Variants in FAT3 observed in about 807,000 individuals in gnomAD.
The protein encoded by FAT3 is protocadherin Fat 3.
Under a neutral mutation model 310.2 loss-of-function variants are expected in FAT3, and 95 were observed. The ratio of observed to expected loss-of-function variants is 0.31; its 90% CI spans 0.26 to 0.36. The LOEUF is 0.36. Among genes scored for constraint, FAT3 ranks in the 10% least tolerant of loss-of-function variants. The pLI, the probability that FAT3 is intolerant of heterozygous loss-of-function variation, is 1.00. For synonymous variants in FAT3, 2,314 were observed against 2,192.9 expected (o/e 1.06, Z -1.54); for missense variants, 5,408 against 5,715.6 (o/e 0.95, Z 1.74).
At chr11:92,582,623 G>C (rs1938872929) in intron 3 of FAT3, among the ~76,000 whole-genome samples, 1 of 151,982 alleles carries the variant, frequency 6.6e-6, no homozygotes, top group Non-Finnish European at 1.5e-5. Context: ...TTGGACTTCA[G>C]ATGAAATCTG....
chr11:92,638,854 G>T (rs1055877940), intron 3 of FAT3, among the ~76,000 whole-genome samples: 1 of 152,102 alleles, frequency 6.6e-6, no homozygotes, highest in Non-Finnish European at 1.5e-5. Flanking sequence ...TGGTCTGGTA[G>T]TGATATTAGT....
chr11:92,547,830 G>C (rs1346699704), intron 3 of FAT3, among the ~76,000 whole-genome samples: 1 of 152,174 alleles, frequency 6.6e-6, no homozygotes, highest in Non-Finnish European at 1.5e-5. Flanking sequence ...CATTTGAGCA[G>C]ATAATTTCAG....
intron 3 of FAT3, among the ~76,000 whole-genome samples, chr11:92,555,610 C>T (rs1287226413): frequency 6.6e-6 from 1 of 152,160 alleles, no homozygotes; most frequent in Non-Finnish European, 1.5e-5. Flanking sequence ...AGAGAACTTG[C>T]TCTCTTATCA....
chr11:92,465,035 C>T (rs902798759), intron 2 of FAT3, among the ~76,000 whole-genome samples: 2 of 152,072 alleles, frequency 1.3e-5, no homozygotes, highest in Non-Finnish European at 2.9e-5. Context: ...CATGCTGGAG[C>T]AGCTGCCGAC....
intron 13 of FAT3, among the ~76,000 whole-genome samples, chr11:92,812,648 A>C (rs1325385847): frequency 6.6e-6 from 1 of 152,164 alleles, no homozygotes; most frequent in Non-Finnish European, 1.5e-5. Flanking sequence ...TAATATTTAA[A>C]AGTCAGAATT....
chr11:92,289,675 C>T (rs1269595408), intron 1 of FAT3, among the ~76,000 whole-genome samples: 1 of 152,066 alleles, frequency 6.6e-6, no homozygotes, highest in African/African-American at 2.4e-5. Context: ...GTCAAGAAGA[C>T]AGGGTAAAAA....
In FAT3 at chr11:92,837,713, A is replaced by T. The variant is rs1238460286; in HGVS notation, c.10275A>T (p.Ala3425=). The T allele has an allele frequency of 6.2e-7, 1 of 1,613,968 alleles. No homozygotes were observed. The highest frequency in any genetic ancestry group is 1.7e-5 in the Admixed American group (1 of 60,024). The change falls in exon 17 of 28, where the codon GCA becomes GCT. Residue 3425 remains alanine, a synonymous_variant. Transcript: ENST00000525166. ...LVQAVDSGIP[A]MSSTATVNID... ...AGGCCGTAGACAGTGGCATTCCTGC[A>T]ATGTCATCAACTGCAACTGTCAACA...
intron 2 of FAT3, among the ~76,000 whole-genome samples, chr11:92,493,276 A>G (rs1229893427): frequency 1.3e-5 from 2 of 152,026 alleles, no homozygotes; most frequent in African/African-American, 4.8e-5. Context: ...AGACCCTCAG[A>G]TAATGGGCAG....
At chr11:92,705,315 G>A (rs913970179) in intron 4 of FAT3, among the ~76,000 whole-genome samples, 3 of 151,700 alleles carry the variant, frequency 2.0e-5, no homozygotes, top group Non-Finnish European at 4.4e-5. Flanking sequence ...TGTGATGATG[G>A]TGGTGATGGT....
intron 3 of FAT3, among the ~76,000 whole-genome samples, chr11:92,662,066 A>C (rs2135796638): frequency 6.6e-6 from 1 of 152,338 alleles, no homozygotes; most frequent in East Asian, 1.9e-4. Context: ...TATCAGAATG[A>C]GATTAACATA....
intron 19 of FAT3, among the ~76,000 whole-genome samples, chr11:92,856,909 T>C (rs1192069453): frequency 6.6e-6 from 1 of 152,164 alleles, no homozygotes; most frequent in Admixed American, 6.5e-5. Flanking sequence ...CAGCTGAAGT[T>C]GGTCCAGATG....
At chr11:92,820,849 A>G (rs1358777987) in intron 13 of FAT3, among the ~76,000 whole-genome samples, 1 of 152,246 alleles carries the variant, frequency 6.6e-6, no homozygotes, top group Non-Finnish European at 1.5e-5. Flanking sequence ...ATGCAAGTTC[A>G]TGGGCATCTT....
At chr11:92,426,436 A>G (rs1950635215) in intron 2 of FAT3, among the ~76,000 whole-genome samples, 1 of 152,192 alleles carries the variant, frequency 6.6e-6, no homozygotes, top group African/African-American at 2.4e-5. Context: ...TGTTTTAGTC[A>G]TGAAGTCTTT....
intron 2 of FAT3, among the ~76,000 whole-genome samples, chr11:92,494,823 T>G (rs1429475046): frequency 6.6e-6 from 1 of 152,012 alleles, no homozygotes; most frequent in Non-Finnish European, 1.5e-5. Flanking sequence ...AATCTTATAT[T>G]TCAAGGCTCC....
chr11:92,413,552 G>GAT (rs1950342585), intron 2 of FAT3, among the ~76,000 whole-genome samples: 1 of 152,098 alleles, frequency 6.6e-6, no homozygotes, highest in Non-Finnish European at 1.5e-5. Flanking sequence ...GTGGGAAGGG[G>GAT]ATAAAGGAAA....
intron 1 of FAT3, among the ~76,000 whole-genome samples, chr11:92,333,684 T>C (rs1417302496): frequency 6.6e-6 from 1 of 152,126 alleles, no homozygotes; most frequent in South Asian, 2.1e-4. Flanking sequence ...ATGTTCAAAT[T>C]ATCATTCTCT....
rs181962634 is a variant in FAT3 at position 92,402,012 on chromosome 11, C to T, written c.3292+46608C>T. The stretch of plus-strand genomic sequence containing the variant: ...ACATAAAGCAAGCTTCAGAACCATA[C>T]TCAGATATGACACAGATTTTGCAAT... On this transcript the variant is annotated intron_variant, in intron 2 of 27. Transcript: ENST00000525166. Among the ~76,000 whole-genome samples the T allele has an allele frequency of 1.1e-3, 161 of 152,246 alleles. 1 individual carries two copies. The highest frequency in any genetic ancestry group is 3.6e-3 in the African/African-American group (151 of 41,538).
At chr11:92,543,970 A>G (rs1454125403) in intron 3 of FAT3, among the ~76,000 whole-genome samples, 1 of 152,140 alleles carries the variant, frequency 6.6e-6, no homozygotes, top group Non-Finnish European at 1.5e-5. Flanking sequence ...TCACTACTGA[A>G]CAATAGTTTC....
intron 3 of FAT3, among the ~76,000 whole-genome samples, chr11:92,609,075 A>G (rs1189582158): frequency 1.3e-5 from 2 of 152,220 alleles, no homozygotes; most frequent in Non-Finnish European, 2.9e-5. Flanking sequence ...CGCTCTTTAC[A>G]TAAATTTTGA....
Sources: allele counts gnomAD v4.1 joint callset (sites outside exome capture counted in the v4.1 genomes callset), GRCh38; gene constraint gnomAD v4.1.1; transcripts MANE v1.5; gene names NCBI Gene and HGNC (gene_info 2026-07-23, HGNC 2026-07-21).